EGLN1: variants seen among roughly 807,000 people sequenced by gnomAD.
EGLN1 encodes the protein egl nine homolog 1.
EGLN1 carries 17 observed loss-of-function variants against 38.3 expected under a neutral mutation model. The observed-to-expected ratio is 0.44, with a 90% CI of 0.30 to 0.67. EGLN1 has a LOEUF of 0.67. Ranked by LOEUF, EGLN1 falls within the 30% of genes least tolerant of loss-of-function variation. The pLI, the probability that EGLN1 is intolerant of heterozygous loss-of-function variation, is 0.08. For synonymous variants in EGLN1, 283 were observed against 257.5 expected (o/e 1.10, Z -0.95); for missense variants, 477 against 603.3 (o/e 0.79, Z 2.19).
At chr1:231,414,525 C>T (rs186194995) in intron 1 of EGLN1, among the ~76,000 whole-genome samples, 75 of 152,120 alleles carry the variant, frequency 4.9e-4, no homozygotes, top group African/African-American at 1.6e-3. Flanking sequence ...TACTTCAGGG[C>T]AAACGGCTTT....
intron 1 of EGLN1, among the ~76,000 whole-genome samples, chr1:231,378,296 TC>T (rs1208291797): frequency 6.6e-6 from 1 of 152,146 alleles, no homozygotes; most frequent in South Asian, 2.1e-4. Flanking sequence ...AACAATGCAA[TC>T]CACCACTATA....
At chr1:231,380,288 C>T (rs2808587) in intron 1 of EGLN1, among the ~76,000 whole-genome samples, 76,263 of 146,160 alleles carry the variant, frequency 0.52, 21,791 homozygotes, top group Non-Finnish European at 0.64. Context: ...TGCACTCAAG[C>T]CTGGGCGACA....
At position 231,395,229 on chromosome 1, in the gene EGLN1, T is replaced by C. The variant is rs76705411; in HGVS notation, c.892-21130A>G. Among the ~76,000 whole-genome samples, 174 of 152,350 alleles carry C rather than the reference T, an allele frequency of 1.1e-3. 2 individuals carry two copies. In the East Asian group the frequency reaches 0.026, roughly 23 times the overall value. ...AATAAATGCTCCTTTGTTCCTCTTT[T>C]AGCTACCGCCCAATCATCTAGGCTC... is the stretch of plus-strand genomic sequence containing the variant. On this transcript the variant is annotated intron_variant, in intron 1 of 4. Coordinates refer to ENST00000366641, the MANE Select transcript of EGLN1 (RefSeq NM_022051.3).
chr1:231,370,602 G>A lies in EGLN1; in HGVS notation c.1108C>T (p.Arg370Cys), dbSNP rs1289064117. 4 of 1,614,016 alleles carry A rather than the reference G, an allele frequency of 2.5e-6. No individual in the cohort carries two copies. Among genetic ancestry groups the A allele is most frequent in the Non-Finnish European group, 3.4e-6 (4 of 1,180,006 alleles). ...FDRLLFFWSDRRNPHEVQPAY... is the reference protein window; with the variant it reads ...FDRLLFFWSDCRNPHEVQPAY... ...GGTTGTACTTCATGAGGGTTGCGACGGTCAGACCAGAAAAACAGCAGTCTA... is the reference window on the plus strand; with the variant it reads ...GGTTGTACTTCATGAGGGTTGCGACAGTCAGACCAGAAAAACAGCAGTCTA... The change falls in exon 3 of 5, where the codon CGT becomes TGT. Residue 370 changes from arginine (R) to cysteine (C), a missense_variant. This residue lies in a region of EGLN1 where 59 missense variants were observed against 119.0 expected (regional missense o/e 0.50). Transcript: ENST00000366641.
intron 1 of EGLN1, among the ~76,000 whole-genome samples, chr1:231,379,047 A>G (rs1480815249): frequency 6.6e-6 from 1 of 152,214 alleles, no homozygotes; most frequent in Non-Finnish European, 1.5e-5. Context: ...TTTAGAGACC[A>G]GAAAACTAAA....
intron 3 of EGLN1, among the ~76,000 whole-genome samples, chr1:231,369,163 CT>C (rs1313075137): frequency 6.6e-6 from 1 of 152,052 alleles, no homozygotes; most frequent in East Asian, 1.9e-4. Context: ...ACAACTACGC[CT>C]TTTCCCCCAG....
At chr1:231,411,482 A>G (rs1321634396) in intron 1 of EGLN1, among the ~76,000 whole-genome samples, 1 of 152,208 alleles carries the variant, frequency 6.6e-6, no homozygotes, top group African/African-American at 2.4e-5. Context: ...TTTTCAATTT[A>G]CTTCTTAGAT....
At chr1:231,401,797 G>A (rs2749711) in intron 1 of EGLN1, among the ~76,000 whole-genome samples, 82,776 of 151,950 alleles carry the variant, frequency 0.54, 24,175 homozygotes, top group Non-Finnish European at 0.65. Flanking sequence ...TTGTATGAAC[G>A]TGTTTTCACT....
In EGLN1 at chr1:231,367,591, T is replaced by G. The variant is rs774766704; in HGVS notation, c.1194A>C (p.Arg398=). The change falls in exon 4 of 5, where the codon CGA becomes CGC. Residue 398 remains arginine (R), a synonymous_variant. Transcript: ENST00000366641. ...TACCTGTTAGATATTTTACTTTAGC[T>G]CGTGCTCTCTCATCTGCATCAAAAT... ...VWYFDADERA[R]AKVKYLTGEK... The G allele has an allele frequency of 5.5e-5, 88 of 1,613,964 alleles. No individual in the cohort carries two copies. The highest frequency in any genetic ancestry group is 1.1e-5 in the Non-Finnish European group (13 of 1,180,018).
At chr1:231,391,286 A>C (rs965702578) in intron 1 of EGLN1, among the ~76,000 whole-genome samples, 1 of 151,818 alleles carries the variant, frequency 6.6e-6, no homozygotes, top group Non-Finnish European at 1.5e-5. Context: ...GGACTATGCT[A>C]TCTTCCAATC....
chr1:231,380,299 G>T (rs1327580504), intron 1 of EGLN1, among the ~76,000 whole-genome samples: 41 of 134,566 alleles, frequency 3.0e-4, no homozygotes, highest in Middle Eastern at 5.2e-3. Context: ...CTGGGCGACA[G>T]AGCGAGACTC....
At chr1:231,409,074 T>A (rs887861582) in intron 1 of EGLN1, among the ~76,000 whole-genome samples, 11 of 151,250 alleles carry the variant, frequency 7.3e-5, no homozygotes, top group Admixed American at 7.2e-4. Context: ...AGAGTGTAAA[T>A]GGGAATGAGG....
At chr1:231,401,554 CA>C (rs1235262776) in intron 1 of EGLN1, among the ~76,000 whole-genome samples, 1 of 149,952 alleles carries the variant, frequency 6.7e-6, no homozygotes, top group East Asian at 2.0e-4. Flanking sequence ...AAAAAAATTA[CA>C]AATAGTACAA....
At chr1:231,394,880 T>C (rs1688482368) in intron 1 of EGLN1, among the ~76,000 whole-genome samples, 1 of 152,152 alleles carries the variant, frequency 6.6e-6, no homozygotes. Flanking sequence ...AATATAGTGA[T>C]GGAATAAATA....
intron 1 of EGLN1, among the ~76,000 whole-genome samples, chr1:231,376,336 T>TCC (rs1027976879): frequency 9.2e-5 from 14 of 152,322 alleles, no homozygotes; most frequent in East Asian, 1.9e-4. Flanking sequence ...GTAGATGCTA[T>TCC]CCACCCATTA....
chr1:231,383,790 A>AT (rs1688130044), intron 1 of EGLN1, among the ~76,000 whole-genome samples: 1 of 151,924 alleles, frequency 6.6e-6, no homozygotes, highest in African/African-American at 2.4e-5. Context: ...GTTACTTCCT[A>AT]AATTATGATG....
chr1:231,379,166 C>G (rs138103637), intron 1 of EGLN1, among the ~76,000 whole-genome samples: 256 of 152,288 alleles, frequency 1.7e-3, no homozygotes, highest in African/African-American at 5.8e-3. Context: ...TTCTTCAATT[C>G]CTTGCTCCAG....
intron 1 of EGLN1, among the ~76,000 whole-genome samples, chr1:231,397,824 T>C (rs1219639664): frequency 6.6e-6 from 1 of 152,100 alleles, no homozygotes; most frequent in Non-Finnish European, 1.5e-5. Context: ...AGGAGAAATA[T>C]ACAGGGGCCA....
At chr1:231,373,797 A>G (rs1687890406) in intron 2 of EGLN1, among the ~76,000 whole-genome samples, 183 bp downstream of exon 2, 1 of 152,212 alleles carries the variant, frequency 6.6e-6, no homozygotes, top group African/African-American at 2.4e-5. Context: ...ATCATGTTGT[A>G]TAACATAGAG....
Sources: gnomAD v4.1 joint callset for allele counts (sites outside exome capture counted in the v4.1 genomes callset) on GRCh38, gnomAD v4.1.1 for gene constraint, gnomAD v4.1.1 regional missense constraint, MANE v1.5 for transcripts, NCBI Gene and HGNC (gene_info 2026-07-23, HGNC 2026-07-21) for gene names.